The following PCDH15 variants were observed in gnomAD, a reference collection of about 807,000 sequenced individuals.
The protein encoded by PCDH15 is protocadherin-15.
PCDH15 carries 129 observed loss-of-function variants against 178.5 expected under a neutral mutation model. That is an observed-to-expected ratio of 0.72 (90% CI 0.63 to 0.84). The LOEUF is 0.84. Ranked by LOEUF, PCDH15 falls within the 40% of genes least tolerant of loss-of-function variation. PCDH15 has a pLI of 0.00. For missense variants in PCDH15, 2,230 were observed against 2,099.9 expected (o/e 1.06, Z -1.21); for synonymous variants, 800 against 732.0 (o/e 1.09, Z -1.50).
chr10:53,878,111 T>C (rs1164501230), intron 26 of PCDH15, among the ~76,000 whole-genome samples: 1 of 150,612 alleles, frequency 6.6e-6, no homozygotes, highest in Non-Finnish European at 1.5e-5. Flanking sequence ...TATACATTGT[T>C]TCTTCTACCT....
intron 2 of PCDH15, among the ~76,000 whole-genome samples, chr10:55,411,983 G>C (rs1218867127): frequency 6.6e-6 from 1 of 152,026 alleles, no homozygotes; most frequent in African/African-American, 2.4e-5. Flanking sequence ...GGAATGATTG[G>C]CTATTTAGAA....
chr10:54,643,087 TA>T (rs1215131343), intron 2 of PCDH15, among the ~76,000 whole-genome samples: 15 of 152,074 alleles, frequency 9.9e-5, no homozygotes, highest in African/African-American at 3.6e-4. Context: ...CACGCCCAGC[TA>T]ATTTTTTTGT....
intron 16 of PCDH15, among the ~76,000 whole-genome samples, chr10:54,085,785 G>A (rs1456928472): frequency 6.6e-6 from 1 of 152,010 alleles, no homozygotes; most frequent in Non-Finnish European, 1.5e-5. Flanking sequence ...ACATTAAGAT[G>A]ATTATTCATT....
intron 15 of PCDH15, among the ~76,000 whole-genome samples, chr10:54,098,190 TTGTGTGTGTGTGTGTGTGTG>T (rs35596789): frequency 1.3e-4 from 19 of 143,104 alleles, no homozygotes; most frequent in African/African-American, 3.6e-4. Context: ...GAAAATAAAG[TTGTGTGTGTGTGTGTGTGTG>T]TGTGTGTGTG....
intron 2 of PCDH15, among the ~76,000 whole-genome samples, chr10:54,593,766 G>C (rs955910459): frequency 5.3e-5 from 8 of 152,092 alleles, no homozygotes; most frequent in Admixed American, 4.6e-4. Context: ...CTTTTGGCTA[G>C]CATGGCTACT....
chr10:55,328,913 C>CATATATATATATATATATAT (rs56104592), intron 2 of PCDH15, among the ~76,000 whole-genome samples: 5 of 111,332 alleles, frequency 4.5e-5, no homozygotes, highest in East Asian at 3.1e-4. Context: ...TTCACACAAA[C>CATATATATATATATATATAT]ATATATATAT....
At chr10:54,346,934 AAG>A (rs2134183503) in intron 5 of PCDH15, among the ~76,000 whole-genome samples, 1 of 152,324 alleles carries the variant, frequency 6.6e-6, no homozygotes, top group East Asian at 1.9e-4. Flanking sequence ...AAGTTTGAGA[AAG>A]AGAAATTGGA....
chr10:54,487,413 C>T (rs531385526), intron 3 of PCDH15, among the ~76,000 whole-genome samples: 77 of 152,014 alleles, frequency 5.1e-4, no homozygotes, highest in South Asian at 1.5e-3. Context: ...ATTCTGGTGA[C>T]GGATACACTA....
At chr10:54,077,562 G>A (rs1590270273) in intron 17 of PCDH15, among the ~76,000 whole-genome samples, 2 of 152,234 alleles carry the variant, frequency 1.3e-5, no homozygotes, top group East Asian at 3.9e-4. Context: ...TGGTTGACCT[G>A]AATGCTTTCT....
intron 13 of PCDH15, among the ~76,000 whole-genome samples, chr10:54,162,229 T>C (rs775705701): frequency 6.6e-6 from 1 of 152,152 alleles, no homozygotes; most frequent in Non-Finnish European, 1.5e-5. Flanking sequence ...TAGATCTTGA[T>C]TATTTGTTTC....
chr10:54,080,061 A>G (rs2094411997), intron 16 of PCDH15, among the ~76,000 whole-genome samples: 1 of 152,082 alleles, frequency 6.6e-6, no homozygotes, highest in Non-Finnish European at 1.5e-5. Flanking sequence ...AAGAGGAATC[A>G]TTCTGCATAT....
intron 1 of PCDH15, among the ~76,000 whole-genome samples, chr10:54,708,593 T>G (rs2095392084): frequency 6.6e-6 from 1 of 152,180 alleles, no homozygotes; most frequent in Non-Finnish European, 1.5e-5. Context: ...GTTTTACTGT[T>G]TCTCTTTGTT....
chr10:54,647,582 T>C (rs1590809896), intron 2 of PCDH15, among the ~76,000 whole-genome samples: 1 of 152,142 alleles, frequency 6.6e-6, no homozygotes, highest in Admixed American at 6.6e-5. Flanking sequence ...CTGAGCCATC[T>C]TTATGGCTGT....
chr10:54,657,441 G>C (rs753430563), intron 2 of PCDH15, among the ~76,000 whole-genome samples: 10 of 152,170 alleles, frequency 6.6e-5, no homozygotes, highest in Non-Finnish European at 1.3e-4. Context: ...GGACTGGAGA[G>C]TAAAATAGAA....
intron 3 of PCDH15, among the ~76,000 whole-genome samples, chr10:54,439,571 T>C (rs879830503): frequency 2.0e-5 from 3 of 151,788 alleles, no homozygotes; most frequent in Non-Finnish European, 2.9e-5. Flanking sequence ...GTAAGGAGGA[T>C]GAAGTTCATT....
chr10:54,795,674 T>G (rs1951879717), intron 1 of PCDH15, among the ~76,000 whole-genome samples: 1 of 151,904 alleles, frequency 6.6e-6, no homozygotes. Context: ...TTTCATTTAA[T>G]TGAGAGCAAG....
chr10:55,312,462 C>A (rs572533547), intron 1 of PCDH15, among the ~76,000 whole-genome samples: 1 of 152,000 alleles, frequency 6.6e-6, no homozygotes, highest in East Asian at 1.9e-4. Flanking sequence ...TAGACAGCAA[C>A]CCACATTATG....
chr10:53,873,230 C>T (rs2079997681), intron 26 of PCDH15, among the ~76,000 whole-genome samples: 1 of 152,200 alleles, frequency 6.6e-6, no homozygotes, highest in East Asian at 1.9e-4. Flanking sequence ...CAGATCTCTG[C>T]CCCTGCCATG....
intron 1 of PCDH15, among the ~76,000 whole-genome samples, chr10:55,279,156 G>A (rs924042553): frequency 1.3e-5 from 2 of 152,158 alleles, no homozygotes; most frequent in South Asian, 2.1e-4. Context: ...AGACCATAAA[G>A]TTACATAAAA....
Sources: allele counts gnomAD v4.1 joint callset (sites outside exome capture counted in the v4.1 genomes callset), GRCh38; gene constraint gnomAD v4.1.1; transcripts MANE v1.5; gene names NCBI Gene and HGNC (gene_info 2026-07-23, HGNC 2026-07-21).